The following AMMECR1 variants were observed in gnomAD, a reference collection of about 807,000 sequenced individuals.
AMMECR1 encodes the protein nuclear protein AMMECR1.
Under a neutral mutation model 22.5 loss-of-function variants are expected in AMMECR1, and 3 were observed. The ratio of observed to expected loss-of-function variants is 0.13; its 90% CI spans 0.06 to 0.35. The LOEUF (loss-of-function observed/expected upper bound fraction) is 0.35, where lower values mean the gene tolerates loss of function less well. Among genes scored for constraint, AMMECR1 ranks in the 10% least tolerant of loss-of-function variants. The probability of loss-of-function intolerance (pLI) is 1.00; values close to 1 mark genes in which losing one functional copy is unlikely to be tolerated. For missense variants in AMMECR1, 235 were observed against 278.7 expected (o/e 0.84, Z 1.12); for synonymous variants, 130 against 116.7 (o/e 1.11, Z -0.74).
chrX:110,229,027 A>G (rs2067548508), intron 2 of AMMECR1, among the ~76,000 whole-genome samples: 1 of 112,488 alleles, frequency 8.9e-6, no homozygotes, highest in African/African-American at 3.2e-5. Flanking sequence ...GTTCAGGGCA[A>G]GATAATCTCA....
At chrX:110,203,849 C>T (rs964893410) in intron 3 of AMMECR1, among the ~76,000 whole-genome samples, 1 of 111,983 alleles carries the variant, frequency 8.9e-6, no homozygotes, top group African/African-American at 3.2e-5. Flanking sequence ...CTTCACACAT[C>T]TATCCATTAG....
intron 1 of AMMECR1, among the ~76,000 whole-genome samples, chrX:110,282,719 G>A (rs1228045707): frequency 9.0e-6 from 1 of 111,548 alleles, no homozygotes; most frequent in African/African-American, 3.3e-5. Context: ...TAAGATTATG[G>A]TGCTGATGGG....
At chrX:110,222,627 A>T (rs1186632993) in intron 2 of AMMECR1, among the ~76,000 whole-genome samples, 2 of 110,392 alleles carry the variant, frequency 1.8e-5, no homozygotes, top group Non-Finnish European at 1.9e-5. Context: ...TCTGGAAAAA[A>T]AAAAAAGAAA....
intron 1 of AMMECR1, among the ~76,000 whole-genome samples, chrX:110,268,262 G>C (rs369253620): frequency 8.9e-6 from 1 of 111,795 alleles, no homozygotes. Flanking sequence ...TTGGGATTGC[G>C]GGGAAGTATC....
Position 110,317,829 on chromosome X carries a change from C to CCCG in AMMECR1, c.240_242dup (p.Gly82dup), listed in dbSNP as rs763207969. On this transcript the variant is annotated inframe_insertion, in exon 1 of 6. Coordinates refer to ENST00000262844, the MANE Select transcript of AMMECR1 (RefSeq NM_015365.3). ...TCGGAGGTGGCGACAGGGCGATCCCCCCGCCGCCGCCGCCGCAGCCCTGGG... is the reference window on the plus strand; with the variant it reads ...TCGGAGGTGGCGACAGGGCGATCCCCCCGCCGCCGCCGCCGCCGCAGCCCTGGG... 4.0e-5 allele frequency: 46 copies of CCCG among 1,150,381 alleles called. No individual in the cohort carries two copies. Among genetic ancestry groups the CCCG allele is most frequent in the African/African-American group, 3.4e-4 (19 of 55,279 alleles). The allele number at this position is 1,150,381 out of a possible 1,213,427, so 94.8% of individuals were successfully genotyped here. A position where few individuals can be genotyped will look rare whatever the true frequency, so the allele number is the denominator to read the frequency against.
intron 2 of AMMECR1, among the ~76,000 whole-genome samples, chrX:110,238,735 C>T (rs146355501): frequency 0.011 from 1,278 of 112,278 alleles, 17 homozygotes; most frequent in African/African-American, 0.039. Flanking sequence ...GTCCCTGACC[C>T]CCGTGCCTCC....
chrX:110,365,958 G>T (rs915894643), intron 2 of AMMECR1, among the ~76,000 whole-genome samples: 3 of 111,540 alleles, frequency 2.7e-5, no homozygotes, highest in Non-Finnish European at 3.8e-5. Flanking sequence ...TGAAAACTAG[G>T]GAATTAGCTG....
chrX:110,348,791 A>C (rs902517144), intron 2 of AMMECR1, among the ~76,000 whole-genome samples: 1 of 112,464 alleles, frequency 8.9e-6, no homozygotes, highest in Non-Finnish European at 1.9e-5. Flanking sequence ...TATGCATAGA[A>C]AAAGGTCTGG....
chrX:110,279,332 A>G (rs1383310906), intron 1 of AMMECR1, among the ~76,000 whole-genome samples: 4 of 112,769 alleles, frequency 3.5e-5, no homozygotes, highest in Non-Finnish European at 7.5e-5. Flanking sequence ...GTTATTTAAT[A>G]AACAGTTAAT....
At chrX:110,369,189 G>T (rs1157508343) in intron 2 of AMMECR1, among the ~76,000 whole-genome samples, 4 of 110,596 alleles carry the variant, frequency 3.6e-5, no homozygotes, top group Middle Eastern at 4.7e-3. Flanking sequence ...AAAATTAACC[G>T]GGTGTGGTGG....
intron 1 of AMMECR1, among the ~76,000 whole-genome samples, chrX:110,313,310 T>C (rs2068032790): frequency 8.9e-6 from 1 of 112,374 alleles, no homozygotes; most frequent in South Asian, 3.7e-4. Context: ...TGTACTTTAA[T>C]AATAAAGAAT....
chrX:110,437,351 A>C lies in AMMECR1; in HGVS notation c.-294+2539T>G, dbSNP rs781602346. Among the ~76,000 whole-genome samples the C allele has an allele frequency of 2.7e-5, 3 of 112,227 alleles. 1 individual carries two copies. Among genetic ancestry groups the C allele is most frequent in the Non-Finnish European group, 5.6e-5 (3 of 53,227 alleles). ...ATTAAGCATTTCCTTTGTACTGGAC[A>C]CTGTACTGGGCTGTACATGCATCAT... is the stretch of plus-strand genomic sequence containing the variant. On this transcript the variant is annotated intron_variant, in intron 1 of 7. Transcript: ENST00000372057.
At chrX:110,408,577 A>C in intron 2 of AMMECR1, among the ~76,000 whole-genome samples, 1 of 112,485 alleles carries the variant, frequency 8.9e-6, no homozygotes, top group East Asian at 2.8e-4. Flanking sequence ...CCCCGACCCC[A>C]CAGTTTTAAT....
At chrX:110,414,279 G>A (rs994168619) in intron 2 of AMMECR1, among the ~76,000 whole-genome samples, 1 of 112,346 alleles carries the variant, frequency 8.9e-6, no homozygotes, top group East Asian at 2.8e-4. Flanking sequence ...ATCCTTCTAA[G>A]TAACTGTCCT....
At chrX:110,418,842 T>G (rs1044328867) in intron 2 of AMMECR1, among the ~76,000 whole-genome samples, 7 of 111,819 alleles carry the variant, frequency 6.3e-5, no homozygotes, top group Non-Finnish European at 1.1e-4. Flanking sequence ...AATTAAGCAG[T>G]GAGTTCTTTC....
intron 2 of AMMECR1, among the ~76,000 whole-genome samples, chrX:110,348,188 C>T (rs1021975991): frequency 9.0e-5 from 10 of 111,698 alleles, no homozygotes; most frequent in African/African-American, 2.9e-4. Flanking sequence ...GCTCTTTTTC[C>T]ACCAGATCAA....
rs1423930086 is a variant in AMMECR1, at chrX:110,204,298, A to C, written c.700-1762T>G. Among the ~76,000 whole-genome samples the C allele has an allele frequency of 2.7e-5, 3 of 111,274 alleles. No homozygotes were observed. The Admixed American group carries it at 2.9e-4, about 11-fold the overall frequency. On this transcript the variant is annotated intron_variant, in intron 3 of 5. Coordinates refer to ENST00000262844, the MANE Select transcript of AMMECR1 (RefSeq NM_015365.3). ...CACTGAAGTGAATTTTGAATCTTCA[A>C]CTCTATTTATCAAAAACCCGTCATG...
chrX:110,208,122 T>C (rs961171707), intron 3 of AMMECR1, among the ~76,000 whole-genome samples: 1 of 112,480 alleles, frequency 8.9e-6, no homozygotes, highest in Admixed American at 9.4e-5. Context: ...CCAACTGAGA[T>C]ACCACCACAG....
In AMMECR1 at chrX:110,197,338, G is replaced by A. The variant is rs1379439693; in HGVS notation, c.*1182C>T. ...CATGACAAACATATCTGAAATCATG[G>A]CAAATATGAACTTTTGTTTTACTAA... On this transcript the variant is annotated 3_prime_UTR_variant, in exon 6 of 6. Transcript: ENST00000262844. 1 of 112,013 alleles carries A rather than the reference G, an allele frequency of 8.9e-6. No individual in the cohort carries two copies. The highest frequency in any genetic ancestry group is 1.9e-5 in the Non-Finnish European group (1 of 53,110). 9.2% of individuals were successfully genotyped at this position (112,013 alleles called of 1,213,427 possible). A position where few individuals can be genotyped will look rare whatever the true frequency, so the allele number is the denominator to read the frequency against.
Sources: allele counts gnomAD v4.1 joint callset (sites outside exome capture counted in the v4.1 genomes callset), GRCh38; gene constraint gnomAD v4.1.1; transcripts MANE v1.5; gene names NCBI Gene and HGNC (gene_info 2026-07-23, HGNC 2026-07-21).